Variants in ARHGEF28 observed in about 807,000 individuals in gnomAD.
ARHGEF28 encodes the protein 190 kDa guanine nucleotide exchange factor.
Under a neutral mutation model 206.6 loss-of-function variants are expected in ARHGEF28, and 152 were observed. That is an observed-to-expected ratio of 0.74 (90% CI 0.64 to 0.84). ARHGEF28 has a LOEUF of 0.84. ARHGEF28 is among the 40% of genes least tolerant of loss of function. The pLI is 0.00. For synonymous variants in ARHGEF28, 763 were observed against 776.4 expected (o/e 0.98, Z 0.29); for missense variants, 2,028 against 2,073.2 (o/e 0.98, Z 0.42).
At chr5:73,852,345 G>T (rs887858777) in intron 13 of ARHGEF28, among the ~76,000 whole-genome samples, 3 of 152,150 alleles carry the variant, frequency 2.0e-5, no homozygotes, top group African/African-American at 7.2e-5. Context: ...TATCCAAAAA[G>T]ATAGAGCTAA....
intron 1 of ARHGEF28, among the ~76,000 whole-genome samples, chr5:73,675,690 A>G (rs369968285): frequency 7.0e-6 from 1 of 142,692 alleles, no homozygotes; most frequent in East Asian, 2.1e-4. Context: ...CCAAGATCGC[A>G]CCACTGCACT....
At position 73,703,647 on chromosome 5, in the gene ARHGEF28, T is replaced by TTGTGTGTG. The variant is rs56160198; in HGVS notation, c.33+18783_33+18790dup. ...AATTTCTACTTATCCTTTCCCAGCATTGTGTGTGTGTGTGTGTGTGTGTGT... is the reference window on the plus strand; with the variant it reads ...AATTTCTACTTATCCTTTCCCAGCATTGTGTGTGTGTGTGTGTGTGTGTGTGTGTGTGT... On this transcript the variant is annotated intron_variant, in intron 2 of 35. Transcript: ENST00000513042. 9.7e-3 allele frequency among the ~76,000 whole-genome samples: 1,351 copies of TTGTGTGTG among 139,700 alleles called. 19 individuals are homozygous for TTGTGTGTG. Among genetic ancestry groups the TTGTGTGTG allele is most frequent in the African/African-American group, 0.032 (1,277 of 39,734 alleles). 91.6% of individuals were successfully genotyped at this position (139,700 alleles called of 152,430 possible).
intron 9 of ARHGEF28, among the ~76,000 whole-genome samples, chr5:73,827,688 G>A (rs960829072): frequency 6.6e-6 from 1 of 152,130 alleles, no homozygotes; most frequent in Non-Finnish European, 1.5e-5. Context: ...AAAATCTGCA[G>A]CCATTTTTCT....
chr5:73,885,948 CA>C lies in ARHGEF28; in HGVS notation c.3159del (p.Lys1053AsnfsTer6), dbSNP rs747407016. ...DLKVNEYEKN[Q>X]KWLEILNKIE... Reference sequence around the variant, plus strand: ...AAAAGTCAATGAATATGAGAAAAACCAAAAATGGCTTGAGATCCTAAATAAG... The same window carrying C: ...AAAAGTCAATGAATATGAGAAAAACCAAAATGGCTTGAGATCCTAAATAAG... On this transcript the variant is annotated frameshift_variant, in exon 25 of 36. Transcript: ENST00000513042. LOFTEE classifies it high-confidence loss of function. 1 of 1,613,278 alleles carries C rather than the reference CA, an allele frequency of 6.2e-7. No individual in the cohort carries two copies. Among genetic ancestry groups the C allele is most frequent in the Non-Finnish European group, 8.5e-7 (1 of 1,179,604 alleles).
intron 1 of ARHGEF28, among the ~76,000 whole-genome samples, chr5:73,645,575 C>T (rs990655507): frequency 1.3e-5 from 2 of 152,114 alleles, no homozygotes; most frequent in African/African-American, 2.4e-5. Flanking sequence ...CTTGATATGT[C>T]TGACCCTTCC....
At chr5:73,769,776 T>C (rs972081648) in intron 4 of ARHGEF28, among the ~76,000 whole-genome samples, 2 of 152,250 alleles carry the variant, frequency 1.3e-5, no homozygotes, top group Non-Finnish European at 2.9e-5. Flanking sequence ...GCAGTGATTG[T>C]GAGTTCTGGA....
At chr5:73,780,839 G>C in intron 7 of ARHGEF28, 94 bp downstream of exon 7, 1 of 1,363,738 alleles carries the variant, frequency 7.3e-7, no homozygotes, top group Non-Finnish European at 1.0e-6. Context: ...AGCCGGCCAG[G>C]AATCAAGGGG....
At chr5:73,669,933 C>T (rs1206817053) in intron 1 of ARHGEF28, among the ~76,000 whole-genome samples, 2 of 152,194 alleles carry the variant, frequency 1.3e-5, no homozygotes, top group African/African-American at 2.4e-5. Flanking sequence ...GTGGTCCACC[C>T]GCTTTGGCCT....
At chr5:73,746,429 A>G (rs992855681) in intron 2 of ARHGEF28, among the ~76,000 whole-genome samples, 12 of 152,114 alleles carry the variant, frequency 7.9e-5, no homozygotes, top group Admixed American at 5.2e-4. Context: ...GTATTATGCC[A>G]TGAGTATAGC....
chr5:73,707,582 T>G (rs749496356), intron 2 of ARHGEF28, among the ~76,000 whole-genome samples: 2 of 152,228 alleles, frequency 1.3e-5, no homozygotes. Flanking sequence ...TATTATCCTA[T>G]GTATTCTTGA....
At chr5:73,751,249 C>T (rs1752005394) in intron 3 of ARHGEF28, among the ~76,000 whole-genome samples, 1 of 152,074 alleles carries the variant, frequency 6.6e-6, no homozygotes, top group South Asian at 2.1e-4. Context: ...ATCTCTATTA[C>T]AAATATAAAA....
rs374033565 is a variant in ARHGEF28 at position 73,832,348 on chromosome 5, C to G, written c.1035C>G (p.Phe345Leu). 3.1e-6 allele frequency: 5 copies of G among 1,612,616 alleles called. No homozygotes were observed. In the Admixed American group the frequency reaches 8.3e-5, roughly 27 times the overall value. The stretch of plus-strand genomic sequence containing the variant: ...ATTTTTGTACTCTAGATCGCTCCTT[C>G]GATATCCTAAAAAAATCCAAGCCGC... ...DQHSLDLDRS[F>L]DILKKSKPPS... Residue 345 changes from phenylalanine (F) to leucine (L), a missense_variant, in exon 10 of 36, where the codon TTC becomes TTG. This residue lies in a region of ARHGEF28 where 1,002 missense variants were observed against 1,015.3 expected (regional missense o/e 0.99). Coordinates refer to ENST00000513042, the MANE Select transcript of ARHGEF28 (RefSeq NM_001177693.2).
chr5:73,680,522 G>C (rs991343784), intron 1 of ARHGEF28, among the ~76,000 whole-genome samples: 1 of 151,534 alleles, frequency 6.6e-6, no homozygotes, highest in Non-Finnish European at 1.5e-5. Context: ...GTTTTGGATG[G>C]GAGGGGAGTG....
intron 29 of ARHGEF28, among the ~76,000 whole-genome samples, chr5:73,896,749 C>T (rs1055797084): frequency 6.6e-6 from 1 of 152,192 alleles, no homozygotes; most frequent in Non-Finnish European, 1.5e-5. Context: ...AATAAATCGC[C>T]CACTCTCAGT....
chr5:73,707,597 A>G (rs1355547023), intron 2 of ARHGEF28, among the ~76,000 whole-genome samples: 1 of 152,220 alleles, frequency 6.6e-6, no homozygotes, highest in Non-Finnish European at 1.5e-5. Flanking sequence ...TCTTGAATAT[A>G]GCCATATGGT....
intron 10 of ARHGEF28, among the ~76,000 whole-genome samples, chr5:73,836,080 G>C (rs982312778): frequency 1.5e-4 from 23 of 152,134 alleles, no homozygotes; most frequent in African/African-American, 5.6e-4. Flanking sequence ...TCCATCTCTT[G>C]GCTACTGTGA....
chr5:73,755,786 A>G (rs1335310021), intron 4 of ARHGEF28, among the ~76,000 whole-genome samples: 1 of 152,092 alleles, frequency 6.6e-6, no homozygotes, highest in East Asian at 1.9e-4. Flanking sequence ...GGGCCATCCT[A>G]TTGCCATTTT....
chr5:73,763,734 C>T (rs1412528010), intron 4 of ARHGEF28, among the ~76,000 whole-genome samples: 1 of 152,038 alleles, frequency 6.6e-6, no homozygotes, highest in Non-Finnish European at 1.5e-5. Context: ...CTTGAAGCAA[C>T]ATTAACAAAT....
chr5:73,845,910 C>T (rs1173151191), intron 11 of ARHGEF28, among the ~76,000 whole-genome samples: 2 of 145,942 alleles, frequency 1.4e-5, no homozygotes, highest in South Asian at 4.3e-4. Context: ...ATTGTTTGAG[C>T]CTGGGAGACA....
Sources: allele counts gnomAD v4.1 joint callset (sites outside exome capture counted in the v4.1 genomes callset), GRCh38; gene constraint gnomAD v4.1.1; regional missense constraint gnomAD v4.1.1; transcripts MANE v1.5; gene names NCBI Gene and HGNC (gene_info 2026-07-23, HGNC 2026-07-21).